The following PDE4B variants were observed in gnomAD, a reference collection of about 807,000 sequenced individuals.
PDE4B encodes phosphodiesterase 4B.
In PDE4B, 20 loss-of-function variants were observed where a neutral mutation model predicts 82.2. The ratio of observed to expected loss-of-function variants is 0.24; its 90% confidence interval spans 0.17 to 0.35. The LOEUF (loss-of-function observed/expected upper bound fraction) is 0.35, where lower values mean the gene tolerates loss of function less well. PDE4B is among the 10% of genes least tolerant of loss of function. PDE4B has a pLI of 1.00. For synonymous variants in PDE4B, 320 were observed against 318.9 expected (o/e 1.00, Z -0.04); for missense variants, 655 against 907.2 (o/e 0.72, Z 3.57).
At chr1:66,002,940 A>G (rs1275419959) in intron 3 of PDE4B, among the ~76,000 whole-genome samples, 2 of 152,200 alleles carry the variant, frequency 1.3e-5, no homozygotes, top group Non-Finnish European at 2.9e-5. Flanking sequence ...TAAAGTACTT[A>G]GAACAGTACT....
intron 7 of PDE4B, among the ~76,000 whole-genome samples, chr1:66,282,152 C>T (rs570518878): frequency 6.6e-5 from 10 of 152,258 alleles, no homozygotes; most frequent in African/African-American, 2.4e-4. Context: ...TGTTCTTCAG[C>T]AACATTTAAT....
chr1:65,941,174 C>T (rs1439715063), intron 3 of PDE4B, among the ~76,000 whole-genome samples: 1 of 151,988 alleles, frequency 6.6e-6, no homozygotes, highest in African/African-American at 2.4e-5. Flanking sequence ...AATGAAGCCT[C>T]AGGTTCTGTC....
At chr1:66,105,725 G>C (rs549727289) in intron 3 of PDE4B, among the ~76,000 whole-genome samples, 1 of 152,250 alleles carries the variant, frequency 6.6e-6, no homozygotes, top group Admixed American at 6.5e-5. Context: ...GTTCACTCAT[G>C]ATTGGCTCTC....
intron 3 of PDE4B, among the ~76,000 whole-genome samples, chr1:66,226,729 G>A (rs1651484227): frequency 6.6e-6 from 1 of 152,220 alleles, no homozygotes; most frequent in African/African-American, 2.4e-5. Flanking sequence ...GCTATCGTAA[G>A]GATTTTGGAT....
At chr1:66,079,017 T>TA (rs1217472427) in intron 3 of PDE4B, among the ~76,000 whole-genome samples, 1 of 152,114 alleles carries the variant, frequency 6.6e-6, no homozygotes, top group Non-Finnish European at 1.5e-5. Flanking sequence ...ACCCTGATGA[T>TA]AAAAAATGGG....
chr1:65,973,609 G>A (rs1341530981), intron 3 of PDE4B, among the ~76,000 whole-genome samples: 1 of 152,120 alleles, frequency 6.6e-6, no homozygotes, highest in East Asian at 1.9e-4. Context: ...ATATTCCAGC[G>A]CTATTGTGAT....
At position 65,913,228 on chromosome 1, in the gene PDE4B, G is replaced by T. The variant is rs893947430; in HGVS notation, c.-70-17G>T. On this transcript the variant is annotated splice_polypyrimidine_tract_variant and intron_variant, in intron 1 of 16. Coordinates refer to ENST00000341517, the MANE Select transcript of PDE4B (RefSeq NM_002600.4). ...GATACAGAGCTGTTCTTTTTTGTGT[G>T]TTTTTTTCTCCTGTAGGTATTAAAA... 7 of 1,137,626 alleles carry T rather than the reference G, an allele frequency of 6.2e-6. No individual in the cohort carries two copies. The highest frequency in any genetic ancestry group is 5.5e-5 in the Admixed American group (3 of 54,440). The allele number at this position is 1,137,626 out of a possible 1,614,324, so 70.5% of individuals were successfully genotyped here.
intron 3 of PDE4B, among the ~76,000 whole-genome samples, chr1:66,051,419 C>T (rs1655021519): frequency 6.6e-6 from 1 of 151,874 alleles, no homozygotes; most frequent in African/African-American, 2.4e-5. Context: ...ATGGAGTGAA[C>T]ATTTCTATTT....
intron 1 of PDE4B, among the ~76,000 whole-genome samples, chr1:65,810,913 C>T (rs1170163246): frequency 2.6e-5 from 4 of 152,102 alleles, no homozygotes; most frequent in African/African-American, 4.8e-5. Flanking sequence ...GCTTCGAATA[C>T]GTTAGGGTTT....
intron 7 of PDE4B, among the ~76,000 whole-genome samples, chr1:66,325,801 G>T (rs1007100839): frequency 6.6e-6 from 1 of 152,172 alleles, no homozygotes; most frequent in Admixed American, 6.5e-5. Context: ...CCAGAGAAGT[G>T]GTGGGAAGGA....
chr1:66,137,665 C>T (rs1344787998), intron 3 of PDE4B, among the ~76,000 whole-genome samples: 1 of 152,166 alleles, frequency 6.6e-6, no homozygotes, highest in Non-Finnish European at 1.5e-5. Context: ...CCCAGATCAT[C>T]AGGTTATTGG....
intron 7 of PDE4B, chr1:66,331,732 AG>A: frequency 7.1e-6 from 7 of 985,356 alleles, no homozygotes; most frequent in Non-Finnish European, 8.4e-6. Context: ...CACTTGCAGA[AG>A]GGAAGTTTTA....
intron 8 of PDE4B, among the ~76,000 whole-genome samples, chr1:66,340,786 T>G (rs1660920893): frequency 6.6e-6 from 1 of 152,134 alleles, no homozygotes; most frequent in African/African-American, 2.4e-5. Context: ...TGTTGGCATT[T>G]GATATCTAAA....
At chr1:66,087,927 G>A (rs1644922751) in intron 3 of PDE4B, among the ~76,000 whole-genome samples, 1 of 150,824 alleles carries the variant, frequency 6.6e-6, no homozygotes, top group Admixed American at 6.6e-5. Context: ...TAGATGACGA[G>A]TTAGTGGGTG....
At chr1:66,248,489 G>A (rs1653498693) in intron 4 of PDE4B, among the ~76,000 whole-genome samples, 1 of 152,140 alleles carries the variant, frequency 6.6e-6, no homozygotes, top group African/African-American at 2.4e-5. Context: ...TGGTGAAAGG[G>A]GGAATTTTGA....
chr1:66,301,215 T>A (rs1013428546), intron 7 of PDE4B, among the ~76,000 whole-genome samples: 1 of 152,106 alleles, frequency 6.6e-6, no homozygotes, highest in African/African-American at 2.4e-5. Flanking sequence ...TAATTTTTAA[T>A]AATTTAAGGG....
chr1:66,371,061 C>CAT (rs5774812), intron 16 of PDE4B, among the ~76,000 whole-genome samples: 2,383 of 110,812 alleles, frequency 0.022, 65 homozygotes, highest in African/African-American at 0.062. Flanking sequence ...ACACATCATA[C>CAT]ATATATATAT....
At chr1:65,854,651 C>G (rs1305135445) in intron 1 of PDE4B, among the ~76,000 whole-genome samples, 1 of 151,888 alleles carries the variant, frequency 6.6e-6, no homozygotes, top group African/African-American at 2.4e-5. Flanking sequence ...TATCATTACC[C>G]TTTGGCAATT....
chr1:66,022,168 G>A (rs973460667), intron 3 of PDE4B, among the ~76,000 whole-genome samples: 2 of 152,222 alleles, frequency 1.3e-5, no homozygotes, highest in East Asian at 3.8e-4. Flanking sequence ...TGTATCATGA[G>A]ACTTTGCTGA....
Sources: gnomAD v4.1 joint callset for allele counts (sites outside exome capture counted in the v4.1 genomes callset) on GRCh38, gnomAD v4.1.1 for gene constraint, MANE v1.5 for transcripts, NCBI Gene and HGNC (gene_info 2026-07-23, HGNC 2026-07-21) for gene names.